The following AGBL1 variants were observed in gnomAD, a reference collection of about 807,000 sequenced individuals.
AGBL1 encodes the protein cytosolic carboxypeptidase 4.
In AGBL1, 130 loss-of-function variants were observed where a neutral mutation model predicts 118.9. That is an observed-to-expected ratio of 1.09 (90% CI 0.95 to 1.26). The LOEUF is 1.26. AGBL1 is among the 50% of genes most tolerant of loss of function. AGBL1 has a pLI of 0.00. For missense variants in AGBL1, 1,584 were observed against 1,298.1 expected (o/e 1.22, Z -3.38); for synonymous variants, 555 against 478.9 (o/e 1.16, Z -2.08).
intron 22 of AGBL1, among the ~76,000 whole-genome samples, chr15:86,767,582 T>C (rs749770447): frequency 1.3e-5 from 2 of 151,952 alleles, no homozygotes; most frequent in Non-Finnish European, 2.9e-5. Flanking sequence ...AATATAGCAT[T>C]TATTGAGCTT....
intron 18 of AGBL1, among the ~76,000 whole-genome samples, chr15:86,474,895 G>T (rs1320348616): frequency 6.6e-6 from 1 of 152,224 alleles, no homozygotes; most frequent in East Asian, 1.9e-4. Context: ...GGAATGATCA[G>T]GCAGCAACAT....
At chr15:86,274,246 G>A (rs974988323) in intron 15 of AGBL1, among the ~76,000 whole-genome samples, 2 of 152,106 alleles carry the variant, frequency 1.3e-5, no homozygotes, top group Non-Finnish European at 2.9e-5. Context: ...ACCATTAGAT[G>A]TAGTTATAAA....
chr15:86,484,782 G>A (rs1003336112), intron 18 of AGBL1, among the ~76,000 whole-genome samples: 1 of 152,036 alleles, frequency 6.6e-6, no homozygotes, highest in South Asian at 2.1e-4. Flanking sequence ...CAGCTGTATT[G>A]TTCGACTGAG....
Position 86,724,946 on chromosome 15 carries a change from A to G in AGBL1, c.3158+50510A>G, listed in dbSNP as rs376594495. On this transcript the variant is annotated intron_variant, in intron 22 of 22. Transcript: ENST00000614907. ...AGCTTCCTGTGCAGCCTGCAGAACC[A>G]TGAGCCAATTAAACCTTGTTTCTTT... Among the ~76,000 whole-genome samples the G allele has an allele frequency of 1.8e-4, 28 of 152,320 alleles. No homozygotes were observed. The East Asian group carries it at 3.5e-3, about 19-fold the overall frequency.
At chr15:86,320,912 TA>T (rs35851550) in intron 17 of AGBL1, among the ~76,000 whole-genome samples, 6,181 of 152,292 alleles carry the variant, frequency 0.041, 161 homozygotes, top group South Asian at 0.074. Context: ...GAATTGATTT[TA>T]TAGTGTTAAA....
intron 21 of AGBL1, among the ~76,000 whole-genome samples, chr15:86,660,965 G>C (rs1228128063): frequency 6.6e-6 from 1 of 152,122 alleles, no homozygotes; most frequent in Non-Finnish European, 1.5e-5. Flanking sequence ...ATGCCTACAG[G>C]AGCCAAGCAG....
At chr15:86,370,456 C>T (rs1221290321) in intron 17 of AGBL1, among the ~76,000 whole-genome samples, 5 of 152,150 alleles carry the variant, frequency 3.3e-5, no homozygotes, top group African/African-American at 4.8e-5. Flanking sequence ...AGGCACCCGC[C>T]ATCATGACTG....
chr15:86,772,281 C>G (rs1021706960), intron 22 of AGBL1, among the ~76,000 whole-genome samples: 1 of 152,028 alleles, frequency 6.6e-6, no homozygotes, highest in African/African-American at 2.4e-5. Flanking sequence ...CTGATCCCAG[C>G]CACAGTAGCT....
intron 22 of AGBL1, among the ~76,000 whole-genome samples, chr15:86,823,048 A>C (rs188661876): frequency 9.0e-4 from 137 of 152,292 alleles, no homozygotes; most frequent in African/African-American, 3.2e-3. Context: ...TTTGTTAACA[A>C]TGCTAGTAGC....
chr15:86,870,453 G>GAAAAAAAA (rs2079705315), intron 22 of AGBL1, among the ~76,000 whole-genome samples: 1 of 15,614 alleles, frequency 6.4e-5, no homozygotes, highest in Non-Finnish European at 1.1e-4. Flanking sequence ...AAAGCATACT[G>GAAAAAAAA]CAAAAAAAAA....
At chr15:86,130,448 T>C (rs1424612348) in intron 1 of AGBL1, among the ~76,000 whole-genome samples, 2 of 152,184 alleles carry the variant, frequency 1.3e-5, no homozygotes, top group Admixed American at 6.5e-5. Context: ...ATTTTCTTAA[T>C]TGAAACATGA....
chr15:86,958,414 G>A (rs776303608), intron 23 of AGBL1, among the ~76,000 whole-genome samples: 1 of 151,930 alleles, frequency 6.6e-6, no homozygotes, highest in African/African-American at 2.4e-5. Context: ...AAAACCATTT[G>A]ATTTTAGCAT....
intron 23 of AGBL1, among the ~76,000 whole-genome samples, chr15:86,940,060 C>CTTTTTTTTTTTTT (rs5814267): frequency 5.0e-5 from 3 of 59,454 alleles, no homozygotes; most frequent in Non-Finnish European, 9.2e-5. Context: ...TTTGGTAGTC[C>CTTTTTTTTTTTTT]TTTTTTTTTT....
intron 22 of AGBL1, among the ~76,000 whole-genome samples, chr15:86,852,615 C>T (rs1372326152): frequency 6.6e-6 from 1 of 152,174 alleles, no homozygotes; most frequent in East Asian, 1.9e-4. Context: ...AAATATCCTT[C>T]CTACATTCCT....
chr15:86,537,901 C>T (rs988808722), intron 19 of AGBL1, among the ~76,000 whole-genome samples: 12 of 152,218 alleles, frequency 7.9e-5, no homozygotes, highest in East Asian at 3.9e-4. Flanking sequence ...AAATAATAGA[C>T]GTTAAAATCA....
At chr15:87,015,023 A>G (rs1475935213) in intron 24 of AGBL1, among the ~76,000 whole-genome samples, 1 of 152,154 alleles carries the variant, frequency 6.6e-6, no homozygotes, top group Non-Finnish European at 1.5e-5. Context: ...TGATTCAATC[A>G]GCTTGGGGCC....
intron 21 of AGBL1, among the ~76,000 whole-genome samples, chr15:86,610,614 C>T (rs1336166654): frequency 6.6e-6 from 1 of 152,078 alleles, no homozygotes; most frequent in Non-Finnish European, 1.5e-5. Flanking sequence ...ACAACCAAAT[C>T]CAAATTATTT....
At chr15:86,559,575 G>A (rs191286226) in intron 21 of AGBL1, among the ~76,000 whole-genome samples, 234 of 152,246 alleles carry the variant, frequency 1.5e-3, no homozygotes, top group Middle Eastern at 0.01. Flanking sequence ...TAGCAATAAT[G>A]ATAACAAACA....
At chr15:86,734,323 A>G (rs2077564234) in intron 22 of AGBL1, among the ~76,000 whole-genome samples, 1 of 152,178 alleles carries the variant, frequency 6.6e-6, no homozygotes. Flanking sequence ...AAAAATGGCT[A>G]GAGTGGTAAT....
Sources: allele counts gnomAD v4.1 joint callset (sites outside exome capture counted in the v4.1 genomes callset), GRCh38; gene constraint gnomAD v4.1.1; transcripts MANE v1.5; gene names NCBI Gene and HGNC (gene_info 2026-07-23, HGNC 2026-07-21).